The following SNX31 variants were observed in gnomAD, a reference collection of about 807,000 sequenced individuals.
SNX31 encodes the protein sorting nexin 31, also known as sorting nexin-31.
A neutral mutation model predicts 65.4 loss-of-function variants in SNX31; 58 were observed. The observed-to-expected ratio is 0.89, with a 90% CI of 0.72 to 1.10. SNX31 has a LOEUF of 1.10. SNX31 is among the 50% of genes least tolerant of loss of function. The probability of loss-of-function intolerance (pLI) is 0.00; values close to 1 mark genes in which losing one functional copy is unlikely to be tolerated. For missense variants in SNX31, 523 were observed against 529.7 expected, an observed-to-expected ratio of 0.99 and a Z score of 0.12; for synonymous variants, 181 against 190.1, an observed-to-expected ratio of 0.95 and a Z score of 0.39.
intron 9 of SNX31, among the ~76,000 whole-genome samples, chr8:100,600,146 G>T (rs183935032): frequency 6.6e-6 from 1 of 151,706 alleles, no homozygotes; most frequent in African/African-American, 2.4e-5. Flanking sequence ...ACAATATACC[G>T]TCTGTATTTT....
At chr8:100,611,226 C>T (rs1816683120) in intron 7 of SNX31, among the ~76,000 whole-genome samples, 1 of 152,144 alleles carries the variant, frequency 6.6e-6, no homozygotes, top group African/African-American at 2.4e-5. Context: ...GGGAATACCA[C>T]ACTTCTACGG....
intron 1 of SNX31, 41 bp from the exon 2 acceptor site, chr8:100,649,389 A>G: frequency 6.2e-7 from 1 of 1,611,222 alleles, no homozygotes; most frequent in Non-Finnish European, 8.5e-7. Context: ...GAGCCGAGGG[A>G]TAAGTGAGCA....
chr8:100,613,128 C>A lies in SNX31; in HGVS notation c.433-43G>T. 1 of 1,478,724 alleles carries A rather than the reference C, an allele frequency of 6.8e-7. No homozygotes were observed. The highest frequency in any genetic ancestry group is 9.5e-7 in the Non-Finnish European group (1 of 1,057,166). 91.6% of individuals were successfully genotyped at this position (1,478,724 alleles called of 1,614,324 possible). ...CAGAAAGGGAAAAAGTTAGGTGTGC[C>A]CACCATGCATCCTAACTGTGACATG... On this transcript the variant is annotated intron_variant, in intron 5 of 13. Coordinates refer to ENST00000311812, the MANE Select transcript of SNX31 (RefSeq NM_152628.4). This position sits in a 1 kb window ranked among gnomAD's most constrained non-coding sequence, Gnocchi z 5.2.
chr8:100,582,079 G>C (rs1246031734), intron 12 of SNX31, among the ~76,000 whole-genome samples: 10 of 152,190 alleles, frequency 6.6e-5, no homozygotes, highest in Admixed American at 6.5e-4. Context: ...TAAATATTTG[G>C]ATAAAGCAAT....
chr8:100,613,175 C>T lies in SNX31; in HGVS notation c.433-90G>A. On this transcript the variant is annotated intron_variant, in intron 5 of 13. Transcript: ENST00000311812. This position sits in a 1 kb window ranked among gnomAD's most constrained non-coding sequence, Gnocchi z 5.2. ...CATGCAGACTTGGAAATGGCCGGTACACATCAATAAAAAATGCTGTCATGG... is the reference window on the plus strand; with the variant it reads ...CATGCAGACTTGGAAATGGCCGGTATACATCAATAAAAAATGCTGTCATGG... 1.0e-6 allele frequency: 1 copy of T among 985,620 alleles called. No individual in the cohort carries two copies. The highest frequency in any genetic ancestry group is 1.6e-6 in the Non-Finnish European group (1 of 625,342). 61.1% of individuals were successfully genotyped at this position (985,620 alleles called of 1,614,324 possible). A position where few individuals can be genotyped will look rare whatever the true frequency, so the allele number is the denominator to read the frequency against.
At position 100,609,702 on chromosome 8, in the gene SNX31, G is replaced by T. The variant is rs1322011137; in HGVS notation, c.612-1139C>A. Among the ~76,000 whole-genome samples the T allele has an allele frequency of 6.6e-6, 1 of 152,136 alleles. No homozygotes were observed. Among genetic ancestry groups the T allele is most frequent in the African/African-American group, 2.4e-5 (1 of 41,412 alleles). On this transcript the variant is annotated intron_variant, in intron 7 of 13. Transcript: ENST00000311812. This position sits in a 1 kb window ranked among gnomAD's most constrained non-coding sequence, Gnocchi z 4.9. Reference sequence around the variant, plus strand: ...CTTAGACCAGGAAAGGGATAAATATGGTGCTTGAAGGTCAACTTCATTCTG... The same window carrying T: ...CTTAGACCAGGAAAGGGATAAATATTGTGCTTGAAGGTCAACTTCATTCTG...
intron 5 of SNX31, among the ~76,000 whole-genome samples, chr8:100,615,480 T>G (rs1817089539): frequency 6.6e-6 from 1 of 152,260 alleles, no homozygotes; most frequent in Non-Finnish European, 1.5e-5. Flanking sequence ...ACACAGCCCT[T>G]ACACAGCAAC....
intron 4 of SNX31, among the ~76,000 whole-genome samples, chr8:100,624,436 T>G (rs1344673533): frequency 6.6e-6 from 1 of 152,234 alleles, no homozygotes; most frequent in African/African-American, 2.4e-5. Context: ...ATTTCACTGC[T>G]ATTTTTAGAT....
At chr8:100,623,365 C>T (rs1817831829) in intron 4 of SNX31, among the ~76,000 whole-genome samples, 1 of 152,212 alleles carries the variant, frequency 6.6e-6, no homozygotes, top group Admixed American at 6.5e-5. Context: ...CAGGCTCCAC[C>T]TCCAACACTG....
rs33988254 is a variant in SNX31 at position 100,648,322 on chromosome 8, CTTTTTTTT to C, written c.141+944_141+951del. Among the ~76,000 whole-genome samples, 68 of 131,414 alleles carry C rather than the reference CTTTTTTTT, an allele frequency of 5.2e-4. No individual in the cohort carries two copies. The highest frequency in any genetic ancestry group is 1.9e-3 in the African/African-American group (66 of 35,012). The allele number at this position is 131,414 out of a possible 152,430, so 86.2% of individuals were successfully genotyped here. ...GAAAGTTTTTTCAGTTTTCTCTACA[CTTTTTTTT>C]TTTTTTTTTTTAATAGAGACAAGGT... On this transcript the variant is annotated intron_variant, in intron 2 of 13. Transcript: ENST00000311812. This position sits in a 1 kb window ranked among gnomAD's most constrained non-coding sequence, Gnocchi z 4.3.
At chr8:100,659,728 GT>G (rs1349935889) in intron 1 of SNX31, among the ~76,000 whole-genome samples, 3 of 152,098 alleles carry the variant, frequency 2.0e-5, no homozygotes, top group African/African-American at 7.2e-5. Context: ...AGTAATTACT[GT>G]TTGTGTTTTG....
intron 2 of SNX31, among the ~76,000 whole-genome samples, chr8:100,639,775 A>T (rs1433616337): frequency 6.6e-6 from 1 of 152,262 alleles, no homozygotes; most frequent in Non-Finnish European, 1.5e-5. Context: ...CTTAGATTGC[A>T]ATACCATTCT....
intron 10 of SNX31, among the ~76,000 whole-genome samples, chr8:100,595,132 T>C (rs1814951964): frequency 6.6e-6 from 1 of 152,116 alleles, no homozygotes; most frequent in Non-Finnish European, 1.5e-5. Context: ...CCAAGATAGA[T>C]CAAATTTGGG....
At chr8:100,584,883 C>T (rs548637873) in intron 11 of SNX31, among the ~76,000 whole-genome samples, 13 of 151,908 alleles carry the variant, frequency 8.6e-5, no homozygotes, top group Middle Eastern at 3.4e-3. Flanking sequence ...CTGCCATGCC[C>T]AGCTAATTTT....
Position 100,588,412 on chromosome 8 carries a change from C to T in SNX31, c.1092+454G>A, listed in dbSNP as rs1814247520. Among the ~76,000 whole-genome samples, 1 of 152,164 alleles carries T rather than the reference C, an allele frequency of 6.6e-6. No homozygotes were observed. Among genetic ancestry groups the T allele is most frequent in the Non-Finnish European group, 1.5e-5 (1 of 68,030 alleles). On this transcript the variant is annotated intron_variant, in intron 11 of 13. Coordinates refer to ENST00000311812, the MANE Select transcript of SNX31 (RefSeq NM_152628.4). The surrounding 1 kb of genome is among the most constrained non-coding windows in gnomAD (Gnocchi z 4.8). The stretch of plus-strand genomic sequence containing the variant: ...CTAAGATCATAAAAATCTGTATTGC[C>T]TAAGTCAGGGGTTGGCAAACAAGGC...
At position 100,614,841 on chromosome 8, in the gene SNX31, T is replaced by C. The variant is rs926178280; in HGVS notation, c.433-1756A>G. 3.3e-5 allele frequency among the ~76,000 whole-genome samples: 5 copies of C among 152,152 alleles called. No individual in the cohort carries two copies. The highest frequency in any genetic ancestry group is 2.9e-5 in the Non-Finnish European group (2 of 68,030). On this transcript the variant is annotated intron_variant, in intron 5 of 13. Transcript: ENST00000311812. This position sits in a 1 kb window ranked among gnomAD's most constrained non-coding sequence, Gnocchi z 5.1. Reference sequence around the variant, plus strand: ...TTGCAGTGAGCCAAGATTGTACCATTGCATTCCAGCCTAGGCAACAAGAGT... The same window carrying C: ...TTGCAGTGAGCCAAGATTGTACCATCGCATTCCAGCCTAGGCAACAAGAGT...
intron 10 of SNX31, among the ~76,000 whole-genome samples, chr8:100,596,249 A>G (rs1815081561): frequency 6.6e-6 from 1 of 152,326 alleles, no homozygotes; most frequent in African/African-American, 2.4e-5. Context: ...TGGCAATGCA[A>G]GCATGATGCC....
rs1818321553 is a variant in SNX31, at chr8:100,630,211, AG to A, written c.321+115del. The stretch of plus-strand genomic sequence containing the variant: ...ACTTGAAATGAATATATTTTGTCCA[AG>A]TCCAGGCTCTGTGGGGCTGTGACCA... On this transcript the variant is annotated intron_variant, in intron 4 of 13. Transcript: ENST00000311812. This position sits in a 1 kb window ranked among gnomAD's most constrained non-coding sequence, Gnocchi z 5.3. The A allele has an allele frequency of 2.2e-6, 2 of 893,144 alleles. No individual in the cohort carries two copies. The highest frequency in any genetic ancestry group is 3.4e-6 in the Non-Finnish European group (2 of 585,454). 55.3% of individuals were successfully genotyped at this position (893,144 alleles called of 1,614,324 possible). A position where few individuals can be genotyped will look rare whatever the true frequency, so the allele number is the denominator to read the frequency against.
Position 100,581,325 on chromosome 8 carries a change from C to CTATATCTATATCTA in SNX31, c.1170+2785_1170+2786insTAGATATAGATATA, listed in dbSNP as rs1401988460. Among the ~76,000 whole-genome samples, 67 of 129,350 alleles carry CTATATCTATATCTA rather than the reference C, an allele frequency of 5.2e-4. 3 individuals are homozygous for CTATATCTATATCTA. Among genetic ancestry groups the CTATATCTATATCTA allele is most frequent in the African/African-American group, 2.2e-3 (65 of 28,948 alleles). The allele number at this position is 129,350 out of a possible 152,430, so 84.9% of individuals were successfully genotyped here. ...AAAAAAATTTTTTATATATCTATATCTATCTATCTATCTATATATATATAT... is the reference window on the plus strand; with the variant it reads ...AAAAAAATTTTTTATATATCTATATCTATATCTATATCTATATCTATCTATCTATATATATATAT... On this transcript the variant is annotated intron_variant, in intron 12 of 13. Coordinates refer to ENST00000311812, the MANE Select transcript of SNX31 (RefSeq NM_152628.4).
Sources: gnomAD v4.1 joint callset for allele counts (sites outside exome capture counted in the v4.1 genomes callset) on GRCh38, gnomAD v4.1.1 for gene constraint, Gnocchi (gnomAD v3.1) non-coding constraint, MANE v1.5 for transcripts, NCBI Gene and HGNC (gene_info 2026-07-23, HGNC 2026-07-21) for gene names.